The following ARL6IP6 variants were observed in gnomAD, a reference collection of about 807,000 sequenced individuals.
ARL6IP6 encodes ARF like GTPase 6 interacting protein 6, also known as ADP-ribosylation factor-like protein 6-interacting protein 6.
A neutral mutation model predicts 21.5 loss-of-function variants in ARL6IP6; 22 were observed. The ratio of observed to expected loss-of-function variants is 1.02; its 90% CI spans 0.73 to 1.46. ARL6IP6 has a LOEUF of 1.46. ARL6IP6 is among the 40% of genes most tolerant of loss of function. The pLI is 0.00. For missense variants in ARL6IP6, 388 were observed against 299.8 expected (o/e 1.29, Z -2.17); for synonymous variants, 164 against 125.3 (o/e 1.31, Z -2.06).
Position 152,718,727 on chromosome 2 carries a change from G to C in ARL6IP6, c.103G>C (p.Asp35His). 6.2e-7 allele frequency: 1 copy of C among 1,610,568 alleles called. No individual in the cohort carries two copies. The highest frequency in any genetic ancestry group is 8.5e-7 in the Non-Finnish European group (1 of 1,178,476). Residue 35 changes from aspartate (D) to histidine (H), a missense_variant, in exon 1 of 4, where the codon GAC becomes CAC. Asp to His is a moderately conservative substitution (Grantham distance 81). Transcript: ENST00000326446. ...RPSYSSFTQG[D>H]SWGEGEVDEE... The stretch of plus-strand genomic sequence containing the variant: ...ATCGTATTCCTCCTTTACTCAGGGG[G>C]ACAGCTGGGGTGAAGGCGAAGTCGA...
At chr2:152,739,128 G>A (rs991482007) in intron 3 of ARL6IP6, among the ~76,000 whole-genome samples, 4 of 151,134 alleles carry the variant, frequency 2.6e-5, no homozygotes, top group Admixed American at 2.0e-4. Context: ...GACTACAGGC[G>A]CCCACCACCA....
intron 2 of ARL6IP6, among the ~76,000 whole-genome samples, chr2:152,729,744 C>T (rs1316342097): frequency 6.6e-6 from 1 of 152,000 alleles, no homozygotes; most frequent in Non-Finnish European, 1.5e-5. Flanking sequence ...TATATATGTA[C>T]CTGTATTACC....
chr2:152,740,522 C>T (rs1236836144), intron 3 of ARL6IP6, among the ~76,000 whole-genome samples: 4 of 150,546 alleles, frequency 2.7e-5, no homozygotes, highest in South Asian at 2.1e-4. Context: ...CAAATGAATA[C>T]AAAATATAAA....
intron 3 of ARL6IP6, among the ~76,000 whole-genome samples, chr2:152,737,225 A>T (rs1700593728): frequency 6.6e-6 from 1 of 151,962 alleles, no homozygotes; most frequent in African/African-American, 2.4e-5. Context: ...AGAAGTCATG[A>T]TTTTACTCTT....
chr2:152,762,346 A>G lies in ARL6IP6; in HGVS notation c.*2506A>G, dbSNP rs931012794. ...CCTGAAGCCCAGTGGCAATCCTGCC[A>G]TTCTTGATACGTGAGTCAATAAATT... is the stretch of plus-strand genomic sequence containing the variant. On this transcript the variant is annotated 3_prime_UTR_variant, in exon 4 of 4. Coordinates refer to ENST00000326446, the MANE Select transcript of ARL6IP6 (RefSeq NM_152522.7). Among the ~76,000 whole-genome samples, 2 of 152,232 alleles carry G rather than the reference A, an allele frequency of 1.3e-5. No individual in the cohort carries two copies. Among genetic ancestry groups the G allele is most frequent in the Non-Finnish European group, 2.9e-5 (2 of 68,040 alleles).
At chr2:152,744,490 A>G (rs1700957866) in intron 3 of ARL6IP6, among the ~76,000 whole-genome samples, 1 of 152,144 alleles carries the variant, frequency 6.6e-6, no homozygotes, top group Admixed American at 6.5e-5. Flanking sequence ...GCCAAAATGC[A>G]GGGAAACTTC....
rs933584752 is a variant in ARL6IP6, at chr2:152,760,651, T to A, written c.*811T>A. On this transcript the variant is annotated 3_prime_UTR_variant, in exon 4 of 4. Transcript: ENST00000326446. Reference sequence around the variant, plus strand: ...AAGTCATTAAGATATTGAGAAAAAATTTGAAATTTTTACTATTTCTGTTTC... The same window carrying A: ...AAGTCATTAAGATATTGAGAAAAAAATTGAAATTTTTACTATTTCTGTTTC... The A allele has an allele frequency of 6.6e-6, 1 of 152,026 alleles. No individual in the cohort carries two copies. Among genetic ancestry groups the A allele is most frequent in the Non-Finnish European group, 1.5e-5 (1 of 67,942 alleles). The allele number at this position is 152,026 out of a possible 1,614,324, so 9.4% of individuals were successfully genotyped here.
rs747559308 is a variant in ARL6IP6, at chr2:152,718,715, T to A, written c.91T>A (p.Phe31Ile). ...TGTGGCTCGGCCATCGTATTCCTCC[T>A]TTACTCAGGGGGACAGCTGGGGTGA... ...GPVARPSYSS[F>I]TQGDSWGEGE... The change falls in exon 1 of 4, where the codon TTT (phenylalanine) becomes ATT (isoleucine). Residue 31 changes from phenylalanine (F) to isoleucine (I), a missense_variant. Physicochemically the swap from Phe to Ile is conservative, Grantham distance 21. Coordinates refer to ENST00000326446, the MANE Select transcript of ARL6IP6 (RefSeq NM_152522.7). 62 of 1,609,006 alleles carry A rather than the reference T, an allele frequency of 3.9e-5. No homozygotes were observed. The highest frequency in any genetic ancestry group is 5.3e-5 in the Non-Finnish European group (62 of 1,177,658).
intron 3 of ARL6IP6, among the ~76,000 whole-genome samples, chr2:152,742,894 A>G (rs1700882812): frequency 6.6e-6 from 1 of 152,188 alleles, no homozygotes. Context: ...ACTTGCACAA[A>G]GTCAAGTAAT....
At chr2:152,738,348 C>T (rs780910006) in intron 3 of ARL6IP6, among the ~76,000 whole-genome samples, 9 of 152,218 alleles carry the variant, frequency 5.9e-5, no homozygotes, top group Non-Finnish European at 1.2e-4. Flanking sequence ...TGATGGCCCT[C>T]TTCTCACAGC....
At chr2:152,749,924 T>C (rs191165350) in intron 3 of ARL6IP6, among the ~76,000 whole-genome samples, 2 of 152,380 alleles carry the variant, frequency 1.3e-5, no homozygotes, top group East Asian at 1.9e-4. Context: ...TTACTACTTA[T>C]TCTTTCATAT....
intron 3 of ARL6IP6, among the ~76,000 whole-genome samples, chr2:152,749,774 G>C (rs1701233529): frequency 6.6e-6 from 1 of 152,134 alleles, no homozygotes; most frequent in Non-Finnish European, 1.5e-5. Flanking sequence ...GACTACATAA[G>C]TACTTCATTG....
At chr2:152,726,210 T>C (rs10497114) in intron 2 of ARL6IP6, among the ~76,000 whole-genome samples, 9,802 of 152,216 alleles carry the variant, frequency 0.064, 815 homozygotes, top group African/African-American at 0.19. Context: ...ACAGGTGTTA[T>C]TTATTTTTGA....
At chr2:152,758,664 C>G (rs1163305364) in intron 3 of ARL6IP6, among the ~76,000 whole-genome samples, 1 of 151,798 alleles carries the variant, frequency 6.6e-6, no homozygotes, top group Non-Finnish European at 1.5e-5. Flanking sequence ...AGGGAACCAT[C>G]AGGAAGCATC....
chr2:152,738,611 G>A (rs906742190), intron 3 of ARL6IP6, among the ~76,000 whole-genome samples: 2 of 152,176 alleles, frequency 1.3e-5, no homozygotes, highest in African/African-American at 2.4e-5. Flanking sequence ...TGCACCCTCT[G>A]AAGCAACAGT....
At chr2:152,756,503 C>T (rs1211684132) in intron 3 of ARL6IP6, among the ~76,000 whole-genome samples, 1 of 151,878 alleles carries the variant, frequency 6.6e-6, no homozygotes, top group Non-Finnish European at 1.5e-5. Context: ...TTCTGTTCAT[C>T]AAAAGATCTT....
Position 152,761,958 on chromosome 2 carries a change from A to G in ARL6IP6, c.*2118A>G, listed in dbSNP as rs1191274201. ...ATATAGAGAGAGATGTATCCGTAAG[A>G]TATTTTTGTGGAATCCTAATTCTTC... On this transcript the variant is annotated 3_prime_UTR_variant, in exon 4 of 4. Transcript: ENST00000326446. Among the ~76,000 whole-genome samples, 1 of 152,202 alleles carries G rather than the reference A, an allele frequency of 6.6e-6. No individual in the cohort carries two copies. The highest frequency in any genetic ancestry group is 2.4e-5 in the African/African-American group (1 of 41,454).
intron 3 of ARL6IP6, among the ~76,000 whole-genome samples, chr2:152,749,458 G>A (rs1559240988): frequency 1.3e-5 from 2 of 152,230 alleles, no homozygotes; most frequent in Non-Finnish European, 2.9e-5. Flanking sequence ...TTAGGTTTAG[G>A]TGTTTTACTT....
upstream of ARL6IP6, chr2:152,718,544 G>C: frequency 1.3e-6 from 2 of 1,483,892 alleles, no homozygotes; most frequent in Admixed American, 2.4e-5. Context: ...AGCGGCCACT[G>C]CCGCGGATTG....
Sources: gnomAD v4.1 joint callset for allele counts (sites outside exome capture counted in the v4.1 genomes callset) on GRCh38, gnomAD v4.1.1 for gene constraint, MANE v1.5 for transcripts, NCBI Gene and HGNC (gene_info 2026-07-23, HGNC 2026-07-21) for gene names.